Variants in NMBR observed in about 807,000 individuals in gnomAD.
NMBR encodes the protein neuromedin-B receptor.
A neutral mutation model predicts 20.5 loss-of-function variants in NMBR; 16 were observed. The ratio of observed to expected loss-of-function variants is 0.78; its 90% CI spans 0.53 to 1.19. The LOEUF (loss-of-function observed/expected upper bound fraction) is 1.19, where lower values mean the gene tolerates loss of function less well. NMBR is among the 50% of genes most tolerant of loss of function. The pLI is 0.00. For synonymous variants in NMBR, 212 were observed against 196.6 expected (o/e 1.08, Z -0.65); for missense variants, 582 against 499.1 (o/e 1.17, Z -1.58).
At chr6:142,132,994 C>G (rs570890988) in intron 1 of NMBR, 1 of 436,888 alleles carries the variant, frequency 2.3e-6, no homozygotes, top group Non-Finnish European at 4.1e-6. Flanking sequence ...AATGGGGCCC[C>G]AGAGATCTAA....
At chr6:142,120,184 A>G (rs1273983849) in intron 1 of NMBR, among the ~76,000 whole-genome samples, 2 of 151,930 alleles carry the variant, frequency 1.3e-5, no homozygotes, top group Non-Finnish European at 2.9e-5. Context: ...GCCCTAAACA[A>G]CTAGATGATT....
At chr6:142,085,326 C>T (rs963903774) in intron 2 of NMBR, among the ~76,000 whole-genome samples, 1 of 152,154 alleles carries the variant, frequency 6.6e-6, no homozygotes, top group African/African-American at 2.4e-5. Flanking sequence ...CAGTTCGAGA[C>T]CAGCCTGGCC....
At chr6:142,111,620 T>C (rs1777764787) in intron 1 of NMBR, among the ~76,000 whole-genome samples, 1 of 152,220 alleles carries the variant, frequency 6.6e-6, no homozygotes, top group Non-Finnish European at 1.5e-5. Flanking sequence ...AAAAAGTGAA[T>C]AAATCATTTT....
chr6:142,143,959 TA>T (rs1778393025), intron 1 of NMBR, among the ~76,000 whole-genome samples: 1 of 152,240 alleles, frequency 6.6e-6, no homozygotes, highest in Non-Finnish European at 1.5e-5. Flanking sequence ...TTAAATGTGC[TA>T]ATGCAATTCA....
chr6:142,120,813 A>G (rs1263114506), intron 1 of NMBR, among the ~76,000 whole-genome samples: 3 of 151,998 alleles, frequency 2.0e-5, no homozygotes, highest in South Asian at 2.1e-4. Flanking sequence ...TTCTAACATT[A>G]TTTAAAATTC....
chr6:142,125,195 C>T (rs1778008736), intron 1 of NMBR, among the ~76,000 whole-genome samples: 1 of 151,748 alleles, frequency 6.6e-6, no homozygotes, highest in African/African-American at 2.4e-5. Flanking sequence ...CTCTATTCAA[C>T]CCCACTTTAC....
intron 1 of NMBR, among the ~76,000 whole-genome samples, chr6:142,142,073 A>G (rs1378804882): frequency 6.6e-6 from 1 of 152,196 alleles, no homozygotes; most frequent in Non-Finnish European, 1.5e-5. Flanking sequence ...CATCCTGAAC[A>G]ATGTTAGGTC....
At chr6:142,119,898 T>G (rs1356866398) in intron 1 of NMBR, among the ~76,000 whole-genome samples, 1 of 151,996 alleles carries the variant, frequency 6.6e-6, no homozygotes, top group African/African-American at 2.4e-5. Flanking sequence ...TAAGTATAAA[T>G]CATTTTAAGT....
chr6:142,121,071 A>G (rs1171480301), intron 1 of NMBR, among the ~76,000 whole-genome samples: 2 of 151,872 alleles, frequency 1.3e-5, no homozygotes, highest in African/African-American at 4.8e-5. Context: ...AGTTTTCATG[A>G]TTATTACATC....
In NMBR at chr6:142,076,149, T is replaced by A. The variant is rs1235279139; in HGVS notation, c.772-100A>T. On this transcript the variant is annotated intron_variant, in intron 3 of 3. Transcript: ENST00000258042. ...GGAAAGAGCAAAATTTACAGCATGA[T>A]AATACATCCAAAATACATAAATTAT... The A allele has an allele frequency of 3.5e-6, 3 of 862,158 alleles. No individual in the cohort carries two copies. In the East Asian group the frequency reaches 7.8e-5, roughly 22 times the overall value. 53.4% of individuals were successfully genotyped at this position (862,158 alleles called of 1,614,324 possible).
chr6:142,080,912 T>C (rs892853095), intron 2 of NMBR, among the ~76,000 whole-genome samples: 1 of 152,178 alleles, frequency 6.6e-6, no homozygotes, highest in Admixed American at 6.5e-5. Flanking sequence ...AAATGTCACT[T>C]CTCTACCTCA....
At chr6:142,099,081 G>T (rs1279107578) in intron 1 of NMBR, among the ~76,000 whole-genome samples, 1 of 152,190 alleles carries the variant, frequency 6.6e-6, no homozygotes, top group East Asian at 1.9e-4. Context: ...TCAACACATG[G>T]TGCTGGAACA....
At chr6:142,133,502 A>T (rs1313074189) in intron 1 of NMBR, among the ~76,000 whole-genome samples, 1 of 152,210 alleles carries the variant, frequency 6.6e-6, no homozygotes, top group East Asian at 1.9e-4. Flanking sequence ...GACTGAGCTT[A>T]CTACTGGATT....
At chr6:142,098,174 CT>C (rs2114577863) in intron 1 of NMBR, among the ~76,000 whole-genome samples, 1 of 152,130 alleles carries the variant, frequency 6.6e-6, no homozygotes, top group Admixed American at 6.6e-5. Context: ...AAGCTAAACC[CT>C]TCACATCCAA....
intron 3 of NMBR, among the ~76,000 whole-genome samples, chr6:142,077,786 A>G (rs1225180724): frequency 6.6e-6 from 1 of 152,226 alleles, no homozygotes; most frequent in Non-Finnish European, 1.5e-5. Flanking sequence ...CTGTACCTGC[A>G]AAACCCGTTA....
At chr6:142,111,286 G>A (rs1777759023) in intron 1 of NMBR, among the ~76,000 whole-genome samples, 1 of 151,204 alleles carries the variant, frequency 6.6e-6, no homozygotes, top group Non-Finnish European at 1.5e-5. Flanking sequence ...TGAAATCACT[G>A]AGACACAGGC....
At chr6:142,078,270 A>T (rs1317094646) in intron 3 of NMBR, among the ~76,000 whole-genome samples, 1 of 152,246 alleles carries the variant, frequency 6.6e-6, no homozygotes, top group African/African-American at 2.4e-5. Flanking sequence ...TTTGTTAAAT[A>T]AAAATCTGCA....
Position 142,076,038 on chromosome 6 carries a change from C to G in NMBR, c.783G>C (p.Arg261=), listed in dbSNP as rs1562388460. 5 of 1,576,876 alleles carry G rather than the reference C, an allele frequency of 3.2e-6. No individual in the cohort carries two copies. The highest frequency in any genetic ancestry group is 4.3e-6 in the Non-Finnish European group (5 of 1,164,352). The change falls in exon 4 of 4, where the codon CGG becomes CGC. Residue 261 remains arginine, a synonymous_variant. Transcript: ENST00000258042. Reference sequence around the variant, plus strand: ...CAAGCACAATTTTAGCCAGGCGTTTCCGTGTTTCCATCTGCAAATATAAGA... The same window carrying G: ...CAAGCACAATTTTAGCCAGGCGTTTGCGTGTTTCCATCTGCAAATATAAGA... ...NEHTKKQMET[R]KRLAKIVLVF... is the part of the protein sequence containing the mutation.
chr6:142,135,108 C>T, intron 1 of NMBR: 1 of 321,552 alleles, frequency 3.1e-6, no homozygotes, highest in Non-Finnish European at 5.6e-6. Context: ...ATTTTGATCA[C>T]TTTTATTAGA....
Sources: gnomAD v4.1 joint callset for allele counts (sites outside exome capture counted in the v4.1 genomes callset) on GRCh38, gnomAD v4.1.1 for gene constraint, MANE v1.5 for transcripts, NCBI Gene and HGNC (gene_info 2026-07-23, HGNC 2026-07-21) for gene names.